The following PM20D1 variants were observed in gnomAD, a reference collection of about 807,000 sequenced individuals.
The protein encoded by PM20D1 is N-fatty-acyl-amino acid synthase/hydrolase PM20D1.
In PM20D1, 53 loss-of-function variants were observed where a neutral mutation model predicts 53.8. That is an observed-to-expected ratio of 0.98 (90% CI 0.79 to 1.24). PM20D1 has a LOEUF of 1.24. Among genes scored for constraint, PM20D1 ranks in the 50% most tolerant of loss-of-function variants. PM20D1 has a pLI of 0.00. For synonymous variants in PM20D1, 239 were observed against 241.3 expected (o/e 0.99, Z 0.09); for missense variants, 564 against 616.8 (o/e 0.91, Z 0.91).
chr1:205,843,822 C>T (rs1192562181), intron 5 of PM20D1, 36 bp from the exon 6 acceptor site: 15 of 1,604,154 alleles, frequency 9.4e-6, no homozygotes, highest in Non-Finnish European at 1.3e-5. Context: ...CTCCTGACTT[C>T]TTGCCTCTCT....
chr1:205,843,055 T>C (rs1421147125), intron 6 of PM20D1, among the ~76,000 whole-genome samples: 1 of 152,154 alleles, frequency 6.6e-6, no homozygotes, highest in African/African-American at 2.4e-5. Context: ...CTCCTGACAA[T>C]TTGAATGAAT....
rs1342319303 is a variant in PM20D1 at position 205,850,124 on chromosome 1, G to A, written c.-52C>T. 2 of 1,562,616 alleles carry A rather than the reference G, an allele frequency of 1.3e-6. No homozygotes were observed. The highest frequency in any genetic ancestry group is 4.6e-5 in the East Asian group (2 of 43,766). Reference sequence around the variant, plus strand: ...CTACCGGGGTAGTTCTGACCTAAACGCCCAGACTAGCGTTTCTTGGCCCTA... The same window carrying A: ...CTACCGGGGTAGTTCTGACCTAAACACCCAGACTAGCGTTTCTTGGCCCTA... On this transcript the variant is annotated 5_prime_UTR_variant, in exon 1 of 13. Coordinates refer to ENST00000367136, the MANE Select transcript of PM20D1 (RefSeq NM_152491.5).
intron 9 of PM20D1, among the ~76,000 whole-genome samples, chr1:205,840,718 A>G (rs1656787392): frequency 6.6e-6 from 1 of 152,188 alleles, no homozygotes; most frequent in Non-Finnish European, 1.5e-5. Context: ...CTTACTCACG[A>G]TGGGGCAGCC....
intron 2 of PM20D1, among the ~76,000 whole-genome samples, chr1:205,847,310 C>G (rs932035794): frequency 1.0e-5 from 1 of 95,272 alleles, no homozygotes; most frequent in African/African-American, 4.3e-5. Flanking sequence ...TCTCATCACT[C>G]TCCATGAGAT....
chr1:205,828,492 G>C lies in PM20D1; in HGVS notation c.*128C>G, dbSNP rs1279711343. On this transcript the variant is annotated 3_prime_UTR_variant, in exon 13 of 13. Transcript: ENST00000367136. ...GCCTTGTTCTTGGGAGAGTTTAAGA[G>C]TGAGCAAGACAGATGGGCAATGTTT... 3.0e-6 allele frequency: 4 copies of C among 1,336,904 alleles called. No individual in the cohort carries two copies. The highest frequency in any genetic ancestry group is 4.0e-6 in the Non-Finnish European group (4 of 996,862). The allele number at this position is 1,336,904 out of a possible 1,614,324, so 82.8% of individuals were successfully genotyped here.
At chr1:205,842,312 C>A in intron 7 of PM20D1, 97 bp from the exon 8 acceptor site, 2 of 1,121,726 alleles carry the variant, frequency 1.8e-6, no homozygotes, top group African/African-American at 1.5e-5. Context: ...GCCTCAGGGG[C>A]CCTTAGCAGT....
At chr1:205,835,218 C>T (rs1431529064) in intron 10 of PM20D1, among the ~76,000 whole-genome samples, 1 of 152,130 alleles carries the variant, frequency 6.6e-6, no homozygotes, top group African/African-American at 2.4e-5. Flanking sequence ...CTGACAGAGA[C>T]AAGGTAACAG....
At chr1:205,839,767 C>T (rs938171239) in intron 10 of PM20D1, among the ~76,000 whole-genome samples, 3 of 151,564 alleles carry the variant, frequency 2.0e-5, no homozygotes, top group Admixed American at 1.3e-4. Context: ...AAAAATTAGC[C>T]GGGCATAGTG....
chr1:205,840,199 G>A (rs1230462548), intron 10 of PM20D1, 53 bp downstream of exon 10: 10 of 1,535,070 alleles, frequency 6.5e-6, no homozygotes, highest in South Asian at 2.3e-5. Context: ...GGCCCTGAGG[G>A]CCACATCTCC....
At chr1:205,842,478 C>T (rs1558093285) in intron 7 of PM20D1, among the ~76,000 whole-genome samples, 198 bp downstream of exon 7, 1 of 152,188 alleles carries the variant, frequency 6.6e-6, no homozygotes, top group Non-Finnish European at 1.5e-5. Context: ...TAGATTAGGT[C>T]TTAGGGTCTC....
intron 6 of PM20D1, 37 bp downstream of exon 6, chr1:205,843,630 C>T: frequency 1.3e-6 from 2 of 1,591,028 alleles, no homozygotes; most frequent in Non-Finnish European, 8.5e-7. Context: ...GCTTCCATCT[C>T]AAGTCTGGCA....
At position 205,844,877 on chromosome 1, in the gene PM20D1, C is replaced by T. The variant is rs1159133404; in HGVS notation, c.510G>A (p.Glu170=). 1.2e-6 allele frequency: 2 copies of T among 1,613,682 alleles called. No individual in the cohort carries two copies. Among genetic ancestry groups the T allele is most frequent in the Non-Finnish European group, 1.7e-6 (2 of 1,179,990 alleles). ...NSVMALLQAL[E]LLLIRKYIPR... Reference sequence around the variant, plus strand: ...GGATGTACTTCCTGATCAGCAGGAGCTCCAAGGCCTGCAGTAATGCCTGGG... The same window carrying T: ...GGATGTACTTCCTGATCAGCAGGAGTTCCAAGGCCTGCAGTAATGCCTGGG... The change falls in exon 4 of 13, where the codon GAG becomes GAA. Residue 170 remains glutamate, a synonymous_variant. Transcript: ENST00000367136.
chr1:205,829,336 A>G (rs954414153), intron 12 of PM20D1, among the ~76,000 whole-genome samples: 6 of 152,100 alleles, frequency 3.9e-5, no homozygotes, highest in Non-Finnish European at 8.8e-5. Flanking sequence ...GCCAAGAACT[A>G]TCTTTCCAAT....
intron 9 of PM20D1, among the ~76,000 whole-genome samples, chr1:205,841,111 T>C (rs1656795315): frequency 6.6e-6 from 1 of 152,192 alleles, no homozygotes; most frequent in South Asian, 2.1e-4. Flanking sequence ...TTCCCGACCT[T>C]CTAGCAGGGA....
rs1656584946 is a variant in PM20D1 at position 205,832,644 on chromosome 1, G to T, written c.1239C>A (p.Arg413=). Residue 413 remains arginine (R), a synonymous_variant, in exon 11 of 13, where the codon CGC becomes CGA. Transcript: ENST00000367136. ...CCGGGAAGACGGACTGTACGGTCTGGCGGAGCAGCTGGTAGCCCAAGGCCT... is the reference window on the plus strand; with the variant it reads ...CCGGGAAGACGGACTGTACGGTCTGTCGGAGCAGCTGGTAGCCCAAGGCCT... ...DDKALGYQLL[R]QTVQSVFPEV... 1 of 1,614,216 alleles carries T rather than the reference G, an allele frequency of 6.2e-7. No individual in the cohort carries two copies. Among genetic ancestry groups the T allele is most frequent in the Non-Finnish European group, 8.5e-7 (1 of 1,180,034 alleles).
chr1:205,842,331 C>A (rs1656831417), intron 7 of PM20D1, 116 bp from the exon 8 acceptor site: 1 of 915,312 alleles, frequency 1.1e-6, no homozygotes, highest in Non-Finnish European at 1.8e-6. Context: ...GTCAGGAGTG[C>A]TGCTAAATTC....
Position 205,849,985 on chromosome 1 carries a change from T to C in PM20D1, c.88A>G (p.Ser30Gly). 2 of 1,614,072 alleles carry C rather than the reference T, an allele frequency of 1.2e-6. No individual in the cohort carries two copies. The highest frequency in any genetic ancestry group is 1.3e-5 in the African/African-American group (1 of 75,018). ...CGCGACGCCCTTTGATGCTCCCCGC[T>C]CCTCGGGCCCATCGATCTGGAGACG... ...PTVSRSMGPR[S>G]GEHQRASRIP... The change falls in exon 1 of 13, where the codon AGC (serine) becomes GGC (glycine). Residue 30 changes from serine to glycine, a missense_variant. Ser to Gly is a moderately conservative substitution (Grantham distance 56). Coordinates refer to ENST00000367136, the MANE Select transcript of PM20D1 (RefSeq NM_152491.5).
intron 7 of PM20D1, 55 bp from the exon 8 acceptor site, chr1:205,842,270 C>T: frequency 6.8e-7 from 1 of 1,481,110 alleles, no homozygotes; most frequent in Non-Finnish European, 9.4e-7. Flanking sequence ...GCCTGGGTCT[C>T]TGAGACCTGA....
intron 10 of PM20D1, among the ~76,000 whole-genome samples, chr1:205,838,954 A>T (rs1656744894): frequency 6.6e-6 from 1 of 152,088 alleles, no homozygotes; most frequent in African/African-American, 2.4e-5. Flanking sequence ...AGACCTTCAC[A>T]TGCACTACCT....
Sources: gnomAD v4.1 joint callset for allele counts (sites outside exome capture counted in the v4.1 genomes callset) on GRCh38, gnomAD v4.1.1 for gene constraint, MANE v1.5 for transcripts, NCBI Gene and HGNC (gene_info 2026-07-23, HGNC 2026-07-21) for gene names.